Variants in ASIC4 observed in about 807,000 individuals in gnomAD.
ASIC4 encodes the protein acid-sensing ion channel 4.
ASIC4 carries 28 observed loss-of-function variants against 53.4 expected under a neutral mutation model. The ratio of observed to expected loss-of-function variants is 0.52; its 90% CI spans 0.39 to 0.72. ASIC4 has a LOEUF of 0.72. Among genes scored for constraint, ASIC4 ranks in the 30% least tolerant of loss-of-function variants. The pLI is 0.00. For missense variants in ASIC4, 649 were observed against 729.7 expected (o/e 0.89, Z 1.27); for synonymous variants, 289 against 301.4 (o/e 0.96, Z 0.43).
At chr2:219,513,047 G>A (rs975152273), upstream of ASIC4, among the ~76,000 whole-genome samples, 5 of 152,212 alleles carry the variant, frequency 3.3e-5, no homozygotes, top group African/African-American at 1.2e-4. Flanking sequence ...CGCAGGGGGC[G>A]GGGTGGCCGT....
chr2:219,532,601 C>CA (rs1372739126), intron 4 of ASIC4, 124 bp downstream of exon 4: 320 of 1,321,886 alleles, frequency 2.4e-4, no homozygotes, highest in Non-Finnish European at 3.1e-4. Flanking sequence ...GTGTCTGTAC[C>CA]CGTGTGAGTG....
At chr2:219,525,944 T>C (rs1323717009) in intron 1 of ASIC4, among the ~76,000 whole-genome samples, 1 of 152,144 alleles carries the variant, frequency 6.6e-6, no homozygotes, top group African/African-American at 2.4e-5. Context: ...AGAGGCAGGG[T>C]GCCCAGAAGG....
intron 1 of ASIC4, among the ~76,000 whole-genome samples, chr2:219,521,037 C>T (rs1372015822): frequency 6.6e-6 from 1 of 152,236 alleles, no homozygotes; most frequent in Non-Finnish European, 1.5e-5. Flanking sequence ...GAACCAGGTG[C>T]ACCCACCCTC....
At position 219,515,200 on chromosome 2, in the gene ASIC4, A is replaced by G. The variant is rs767948018; in HGVS notation, c.476A>G (p.Glu159Gly). The change falls in exon 1 of 10, where the codon GAG (glutamate) becomes GGG (glycine). Residue 159 changes from glutamate (E) to glycine (G), a missense_variant. Coordinates refer to ENST00000358078, the MANE Select transcript of ASIC4 (RefSeq NM_018674.6). ...GHRAAGLRYP[E>G]PDMVDILNRT... ...CGTGCGGCTGGCCTGCGCTACCCAGAGCCTGACATGGTAGACATCCTCAAC... is the reference window on the plus strand; with the variant it reads ...CGTGCGGCTGGCCTGCGCTACCCAGGGCCTGACATGGTAGACATCCTCAAC... The G allele has an allele frequency of 3.1e-6, 5 of 1,614,202 alleles. No homozygotes were observed. Among genetic ancestry groups the G allele is most frequent in the Non-Finnish European group, 3.4e-6 (4 of 1,180,006 alleles).
intron 1 of ASIC4, among the ~76,000 whole-genome samples, chr2:219,522,415 G>A (rs1274514665): frequency 6.6e-6 from 1 of 150,990 alleles, no homozygotes; most frequent in Non-Finnish European, 1.5e-5. Flanking sequence ...GCAGGTCCCC[G>A]GGGAGGGCTG....
At chr2:219,527,463 G>A (rs1694977938) in intron 1 of ASIC4, among the ~76,000 whole-genome samples, 1 of 152,214 alleles carries the variant, frequency 6.6e-6, no homozygotes, top group South Asian at 2.1e-4. Context: ...GGTGGGCTCG[G>A]TTCCATGTAG....
chr2:219,515,449 A>G (rs1694771033), intron 1 of ASIC4, 143 bp downstream of exon 1: 10 of 1,193,582 alleles, frequency 8.4e-6, no homozygotes, highest in Non-Finnish European at 1.0e-5. Context: ...TGTTTCCCCA[A>G]GCCTGGCGTC....
rs571322570 is a variant in ASIC4 at position 219,516,230 on chromosome 2, C to G, written c.582+924C>G. Among the ~76,000 whole-genome samples, 4 of 152,298 alleles carry G rather than the reference C, an allele frequency of 2.6e-5. No individual in the cohort carries two copies. The South Asian group carries it at 8.3e-4, about 32-fold the overall frequency. On this transcript the variant is annotated intron_variant, in intron 1 of 9. Coordinates refer to ENST00000358078, the MANE Select transcript of ASIC4 (RefSeq NM_018674.6). The surrounding 1 kb of genome is among the most constrained non-coding windows in gnomAD (Gnocchi z 4.9). ...CTAGCTCCCAGCTCTCGCTTAGCTGCCAAGGACAGGGTCCCACTGTGGATG... is the reference window on the plus strand; with the variant it reads ...CTAGCTCCCAGCTCTCGCTTAGCTGGCAAGGACAGGGTCCCACTGTGGATG...
intron 1 of ASIC4, among the ~76,000 whole-genome samples, chr2:219,526,298 A>G (rs1001692281): frequency 6.6e-6 from 1 of 152,046 alleles, no homozygotes; most frequent in African/African-American, 2.4e-5. Flanking sequence ...GCCAGGGAGA[A>G]GGAGGTGGAG....
At chr2:219,507,788 G>A in the ASIC4 span, among the ~76,000 whole-genome samples, 30 of 152,046 alleles carry the variant, frequency 2.0e-4, no homozygotes, top group Admixed American at 1.9e-3. Context: ...GGGGTGCAGG[G>A]CATGGGTGGG....
intron 1 of ASIC4, among the ~76,000 whole-genome samples, chr2:219,520,679 G>T (rs1263597385): frequency 6.6e-6 from 1 of 152,208 alleles, no homozygotes; most frequent in Admixed American, 6.5e-5. Flanking sequence ...GACTCCCCCT[G>T]CCTGTCCAGC....
Position 219,514,771 on chromosome 2 carries a change from C to T in ASIC4, c.47C>T (p.Ala16Val), listed in dbSNP as rs1043365563. 13 of 1,613,432 alleles carry T rather than the reference C, an allele frequency of 8.1e-6. No individual in the cohort carries two copies. Among genetic ancestry groups the T allele is most frequent in the South Asian group, 4.4e-5 (4 of 91,086 alleles). ...AAAATCAAATTTGCTGAGGAGGATG[C>T]GAAACCCAAGGAGAAGGAGGCAGGG... ...VCKIKFAEED[A>V]KPKEKEAGDE... Residue 16 changes from alanine (A) to valine (V), a missense_variant, in exon 1 of 10, where the codon GCG (alanine) becomes GTG (valine). By Grantham distance (64) the Ala-to-Val change is moderately conservative. Transcript: ENST00000358078.
rs1361378744 is a variant in ASIC4, at chr2:219,536,760, G to A, written c.1230-306G>A. Among the ~76,000 whole-genome samples the A allele has an allele frequency of 6.6e-6, 1 of 152,054 alleles. No individual in the cohort carries two copies. Among genetic ancestry groups the A allele is most frequent in the Non-Finnish European group, 1.5e-5 (1 of 68,020 alleles). On this transcript the variant is annotated intron_variant, in intron 6 of 9. Transcript: ENST00000358078. This position sits in a 1 kb window ranked among gnomAD's most constrained non-coding sequence, Gnocchi z 4.6. Reference sequence around the variant, plus strand: ...GGACTGACGGGCAACAGGGGTCACTGAAGGGTCCGCAGAGGCGTAAGGAGG... The same window carrying A: ...GGACTGACGGGCAACAGGGGTCACTAAAGGGTCCGCAGAGGCGTAAGGAGG...
rs760689772 is a variant in ASIC4 at position 219,515,072 on chromosome 2, C to A, written c.348C>A (p.Thr116=). 5 of 1,613,786 alleles carry A rather than the reference C, an allele frequency of 3.1e-6. No individual in the cohort carries two copies. In the South Asian group the frequency reaches 5.5e-5, roughly 18 times the overall value. Residue 116 remains threonine, a synonymous_variant, in exon 1 of 10, where the codon ACC becomes ACA. Coordinates refer to ENST00000358078, the MANE Select transcript of ASIC4 (RefSeq NM_018674.6). ...CAGTGGCGGGCTTCCCGGCTGTCAC[C>A]CTCTGCAATATCAACCGCTTCCGGC... The part of the protein sequence containing the change: ...PAPVAGFPAV[T]LCNINRFRHS...
At chr2:219,533,884 T>A (rs1259974259) in intron 5 of ASIC4, 1 of 151,890 alleles carries the variant, frequency 6.6e-6, no homozygotes, top group Non-Finnish European at 1.5e-5. Flanking sequence ...AATAAAAAAG[T>A]GAACTGGGTG....
chr2:219,535,423 A>T, intron 6 of ASIC4, 99 bp downstream of exon 6: 3 of 1,308,494 alleles, frequency 2.3e-6, no homozygotes, highest in Non-Finnish European at 2.1e-6. Flanking sequence ...GTGTGAGTGT[A>T]TGTGTGTATG....
At chr2:219,522,944 G>T (rs1004500935) in intron 1 of ASIC4, among the ~76,000 whole-genome samples, 1 of 152,166 alleles carries the variant, frequency 6.6e-6, no homozygotes, top group Non-Finnish European at 1.5e-5. Flanking sequence ...GGAGGGAGCG[G>T]AGGGCGGCGA....
At chr2:219,535,772 C>CTTT (rs869106424) in intron 6 of ASIC4, among the ~76,000 whole-genome samples, 8 of 128,704 alleles carry the variant, frequency 6.2e-5, no homozygotes, top group African/African-American at 8.8e-5. Flanking sequence ...TCTTCTCCTT[C>CTTT]TTTTTTTTTT....
At chr2:219,508,448 G>T in the ASIC4 span, among the ~76,000 whole-genome samples, 2 of 152,160 alleles carry the variant, frequency 1.3e-5, no homozygotes, top group African/African-American at 4.8e-5. Context: ...AGGGGAAAGG[G>T]TCAGTGTTTG....
Sources: gnomAD v4.1 joint callset for allele counts (sites outside exome capture counted in the v4.1 genomes callset) on GRCh38, gnomAD v4.1.1 for gene constraint, Gnocchi (gnomAD v3.1) non-coding constraint, MANE v1.5 for transcripts, NCBI Gene and HGNC (gene_info 2026-07-23, HGNC 2026-07-21) for gene names.